Variants in AGBL1 observed in about 807,000 individuals in gnomAD.
AGBL1 encodes cytosolic carboxypeptidase 4.
AGBL1 carries 130 observed loss-of-function variants against 118.9 expected under a neutral mutation model. The observed-to-expected ratio is 1.09, with a 90% confidence interval of 0.95 to 1.26. AGBL1 has a LOEUF of 1.26. Among genes scored for constraint, AGBL1 ranks in the 50% most tolerant of loss-of-function variants. The pLI is 0.00. For synonymous variants in AGBL1, 555 were observed against 478.9 expected (o/e 1.16, Z -2.08); for missense variants, 1,584 against 1,298.1 (o/e 1.22, Z -3.38).
chr15:86,108,694 C>G (rs1010946570), intron 1 of AGBL1, among the ~76,000 whole-genome samples: 1 of 152,206 alleles, frequency 6.6e-6, no homozygotes. Flanking sequence ...CGCAGTGGCT[C>G]ATGCCTATAA....
At chr15:86,991,722 C>G (rs2081337664) in intron 24 of AGBL1, among the ~76,000 whole-genome samples, 1 of 152,124 alleles carries the variant, frequency 6.6e-6, no homozygotes, top group Non-Finnish European at 1.5e-5. Flanking sequence ...TATGTCAATT[C>G]TCTCTGACTT....
At chr15:86,268,439 G>A (rs868336963) in intron 13 of AGBL1, among the ~76,000 whole-genome samples, 2 of 152,156 alleles carry the variant, frequency 1.3e-5, no homozygotes, top group Non-Finnish European at 2.9e-5. Context: ...CTGATTATGA[G>A]TCTCCTGGTG....
intron 18 of AGBL1, among the ~76,000 whole-genome samples, chr15:86,456,691 A>T (rs1389912003): frequency 2.0e-5 from 3 of 152,214 alleles, no homozygotes; most frequent in African/African-American, 7.2e-5. Context: ...TTCAGCGAGG[A>T]AACTGTGATT....
intron 17 of AGBL1, among the ~76,000 whole-genome samples, chr15:86,342,110 C>G (rs1215567113): frequency 1.3e-5 from 2 of 152,162 alleles, no homozygotes; most frequent in Non-Finnish European, 2.9e-5. Context: ...ATTTTGTTTT[C>G]TGCTCTGTAT....
At chr15:86,906,830 A>G (rs2080287176) in intron 22 of AGBL1, among the ~76,000 whole-genome samples, 1 of 152,212 alleles carries the variant, frequency 6.6e-6, no homozygotes, top group African/African-American at 2.4e-5. Flanking sequence ...CCAAGCCTCA[A>G]GGTTGAGGAC....
At chr15:86,653,878 AT>A (rs912866155) in intron 21 of AGBL1, among the ~76,000 whole-genome samples, 10 of 151,270 alleles carry the variant, frequency 6.6e-5, no homozygotes, top group African/African-American at 1.9e-4. Context: ...CCTAGAGCTC[AT>A]TTTTTTTTAA....
intron 22 of AGBL1, among the ~76,000 whole-genome samples, chr15:86,825,819 G>C (rs1249772193): frequency 1.3e-5 from 2 of 151,554 alleles, no homozygotes; most frequent in African/African-American, 2.4e-5. Flanking sequence ...ACTAAATATT[G>C]ATGAGAATGT....
chr15:86,215,313 G>A lies in AGBL1; in HGVS notation c.489-9601G>A, dbSNP rs370336927. 3.3e-5 allele frequency among the ~76,000 whole-genome samples: 5 copies of A among 151,278 alleles called. No homozygotes were observed. The East Asian group carries it at 5.8e-4, about 18-fold the overall frequency. Reference sequence around the variant, plus strand: ...CTCTCAATTCAGGCAGGAGGCCGGCGCTGTAGCAGATGGTATTCTAAACAA... The same window carrying A: ...CTCTCAATTCAGGCAGGAGGCCGGCACTGTAGCAGATGGTATTCTAAACAA... On this transcript the variant is annotated intron_variant, in intron 5 of 22. Coordinates refer to ENST00000614907, the MANE Select transcript of AGBL1 (RefSeq NM_001386094.1).
chr15:86,183,820 G>A (rs1051393686), intron 5 of AGBL1, among the ~76,000 whole-genome samples: 16 of 152,098 alleles, frequency 1.1e-4, no homozygotes, highest in African/African-American at 3.1e-4. Flanking sequence ...ATGCCGTTAC[G>A]AAATTAAATA....
intron 22 of AGBL1, among the ~76,000 whole-genome samples, chr15:86,854,701 T>C (rs1027077287): frequency 7.2e-5 from 11 of 152,264 alleles, no homozygotes; most frequent in Admixed American, 3.3e-4. Context: ...CATTGATAAA[T>C]GTTCACTGAA....
chr15:86,478,325 A>G (rs1440755004), intron 18 of AGBL1, among the ~76,000 whole-genome samples: 3 of 152,254 alleles, frequency 2.0e-5, no homozygotes, highest in Non-Finnish European at 4.4e-5. Flanking sequence ...TTGTATATTT[A>G]GAAAACCCCA....
chr15:86,883,094 A>G (rs1301122753), intron 22 of AGBL1, among the ~76,000 whole-genome samples: 1 of 152,240 alleles, frequency 6.6e-6, no homozygotes, highest in Non-Finnish European at 1.5e-5. Context: ...ACATCTAATT[A>G]TATCCTCATT....
chr15:86,669,861 G>T (rs1404155338), intron 21 of AGBL1, among the ~76,000 whole-genome samples: 1 of 152,138 alleles, frequency 6.6e-6, no homozygotes, highest in Admixed American at 6.6e-5. Flanking sequence ...TGGGGTCTGA[G>T]GATCATCACC....
intron 6 of AGBL1, among the ~76,000 whole-genome samples, chr15:86,233,301 C>T (rs1597597159): frequency 6.6e-6 from 1 of 152,102 alleles, no homozygotes; most frequent in African/African-American, 2.4e-5. Flanking sequence ...TGAAATCAAA[C>T]ACTTGACTTC....
intron 5 of AGBL1, among the ~76,000 whole-genome samples, chr15:86,214,935 A>G (rs139351644): frequency 3.9e-4 from 60 of 152,268 alleles, no homozygotes; most frequent in Non-Finnish European, 6.2e-4. Context: ...CCCGTGATTG[A>G]TGAGGATTCC....
intron 22 of AGBL1, among the ~76,000 whole-genome samples, chr15:86,905,126 G>T (rs181337585): frequency 1.4e-4 from 21 of 152,334 alleles, no homozygotes; most frequent in African/African-American, 5.1e-4. Flanking sequence ...GGGGTTGGCA[G>T]ACGGTTTTAG....
At chr15:86,134,610 T>TC (rs2076862815) in intron 1 of AGBL1, among the ~76,000 whole-genome samples, 2 of 47,312 alleles carry the variant, frequency 4.2e-5, no homozygotes, top group Non-Finnish European at 4.8e-5. Flanking sequence ...GTGCCTTTTT[T>TC]TTTTTTTTTT....
At position 86,945,805 on chromosome 15, in the gene AGBL1, A is replaced by G. The variant is rs570920609; in HGVS notation, c.3222-42182A>G. Among the ~76,000 whole-genome samples the G allele has an allele frequency of 3.3e-5, 5 of 152,376 alleles. No individual in the cohort carries two copies. In the South Asian group the frequency reaches 1.0e-3, roughly 32 times the overall value. On this transcript the variant is annotated intron_variant, in intron 23 of 24. Transcript: ENST00000441037. ...TTTTGATTCATTGTTATTAGTCAGCAGTCTGGGGATACAGCACTTTAAAAA... is the reference window on the plus strand; with the variant it reads ...TTTTGATTCATTGTTATTAGTCAGCGGTCTGGGGATACAGCACTTTAAAAA...
chr15:86,395,263 C>T lies in AGBL1; in HGVS notation c.2375-2103C>T, dbSNP rs2081346426. ...AGCCCTTTGCTTGAGCCACACATAA[C>T]TTGTCTTCATTTTTTAATTCATCGA... On this transcript the variant is annotated intron_variant, in intron 17 of 22. Coordinates refer to ENST00000614907, the MANE Select transcript of AGBL1 (RefSeq NM_001386094.1). Among the ~76,000 whole-genome samples, 6 of 152,102 alleles carry T rather than the reference C, an allele frequency of 3.9e-5. No individual in the cohort carries two copies. In the South Asian group the frequency reaches 1.2e-3, roughly 32 times the overall value.
Sources: gnomAD v4.1 joint callset for allele counts (sites outside exome capture counted in the v4.1 genomes callset) on GRCh38, gnomAD v4.1.1 for gene constraint, MANE v1.5 for transcripts, NCBI Gene and HGNC (gene_info 2026-07-23, HGNC 2026-07-21) for gene names.